DMD: variants seen among roughly 807,000 people sequenced by gnomAD.
DMD encodes dystrophin.
Under a neutral mutation model 330.1 loss-of-function variants are expected in DMD, and 63 were observed. The ratio of observed to expected loss-of-function variants is 0.19; its 90% CI spans 0.16 to 0.24. The LOEUF (loss-of-function observed/expected upper bound fraction) is 0.24, where lower values mean the gene tolerates loss of function less well. Ranked by LOEUF, DMD falls within the 10% of genes least tolerant of loss-of-function variation. The pLI is 1.00. For missense variants in DMD, 3,344 were observed against 2,684.1 expected, an observed-to-expected ratio of 1.25 and a Z score of -5.43; for synonymous variants, 1,223 against 959.8, an observed-to-expected ratio of 1.27 and a Z score of -5.07.
intron 17 of DMD, among the ~76,000 whole-genome samples, chrX:32,538,227 T>C (rs950372617): frequency 3.6e-5 from 4 of 112,312 alleles, no homozygotes; most frequent in African/African-American, 9.7e-5. Context: ...CCAGATGGCC[T>C]GAAGCAACTG....
upstream of DMD, among the ~76,000 whole-genome samples, chrX:33,214,442 A>G (rs898888632): frequency 3.6e-5 from 4 of 111,613 alleles, no homozygotes; most frequent in African/African-American, 1.3e-4. Context: ...GATTCCTCCA[A>G]TTCATTAACA....
intron 28 of DMD, among the ~76,000 whole-genome samples, chrX:32,439,478 T>C (rs1188884646): frequency 1.8e-5 from 2 of 111,957 alleles, no homozygotes; most frequent in African/African-American, 6.5e-5. Context: ...CTTAATTTTG[T>C]AAATATTTAT....
chrX:31,505,541 G>A (rs930859951), intron 56 of DMD, among the ~76,000 whole-genome samples: 4 of 111,725 alleles, frequency 3.6e-5, no homozygotes, highest in African/African-American at 1.3e-4. Flanking sequence ...TTTCTTTGTA[G>A]AAGTTTCCTT....
Position 32,263,408 on chromosome X carries a change from T to A in DMD, c.6290+24121A>T, listed in dbSNP as rs2097331542. 6.2e-5 allele frequency among the ~76,000 whole-genome samples: 7 copies of A among 112,528 alleles called. No homozygotes were observed. In the South Asian group the frequency reaches 2.6e-3, roughly 41 times the overall value. ...TACAACATATTGTTATCAATCTTAA[T>A]AAATCCATTCAGCATTTCAGAATAA... On this transcript the variant is annotated intron_variant, in intron 43 of 78. Transcript: ENST00000357033.
intron 17 of DMD, among the ~76,000 whole-genome samples, chrX:32,528,612 G>A (rs1307114568): frequency 2.7e-5 from 3 of 111,487 alleles, no homozygotes; most frequent in African/African-American, 9.8e-5. Flanking sequence ...GTGGGGGTCA[G>A]ACATGCCTCA....
Position 31,735,694 on chromosome X carries a change from T to C in DMD, c.7543-5946A>G, listed in dbSNP as rs190846099. Among the ~76,000 whole-genome samples, 297 of 111,984 alleles carry C rather than the reference T, an allele frequency of 2.7e-3. 2 individuals carry two copies. The highest frequency in any genetic ancestry group is 9.2e-3 in the African/African-American group (284 of 30,866). On this transcript the variant is annotated intron_variant, in intron 51 of 78. Transcript: ENST00000357033. ...GTTACATGGTAATGGTGGAGTTCCA[T>C]TCAACACATGCAGCTCAAGAACTGT...
intron 54 of DMD, among the ~76,000 whole-genome samples, chrX:31,631,440 G>A (rs188620560): frequency 9.0e-6 from 1 of 110,669 alleles, no homozygotes; most frequent in East Asian, 2.9e-4. Context: ...GTTGATGGGA[G>A]AGTTGTGGGG....
At chrX:32,122,616 C>A (rs950646026) in intron 44 of DMD, among the ~76,000 whole-genome samples, 6 of 111,515 alleles carry the variant, frequency 5.4e-5, no homozygotes, top group African/African-American at 2.0e-4. Flanking sequence ...CTGCCCACCC[C>A]ATCTGTGAAA....
At chrX:32,058,035 T>G (rs756745149) in intron 44 of DMD, among the ~76,000 whole-genome samples, 1 of 111,317 alleles carries the variant, frequency 9.0e-6, no homozygotes, top group South Asian at 3.7e-4. Context: ...TTGCAAAGAA[T>G]GGAATTGGAC....
intron 2 of DMD, among the ~76,000 whole-genome samples, chrX:32,964,395 A>G (rs779451770): frequency 3.0e-4 from 33 of 110,989 alleles, no homozygotes; most frequent in Non-Finnish European, 5.1e-4. Flanking sequence ...ACTATGAGGC[A>G]ACCAAATAGA....
chrX:31,933,119 T>A (rs868766347), intron 45 of DMD, among the ~76,000 whole-genome samples: 3 of 112,213 alleles, frequency 2.7e-5, no homozygotes, highest in African/African-American at 9.7e-5. Context: ...TTTAAAATGT[T>A]TAATTAAAGT....
chrX:32,748,653 C>A (rs113939587), intron 7 of DMD, among the ~76,000 whole-genome samples: 1 of 111,427 alleles, frequency 9.0e-6, no homozygotes, highest in Non-Finnish European at 1.9e-5. Flanking sequence ...TTAGGTAAGT[C>A]AGTAAGTATA....
intron 2 of DMD, among the ~76,000 whole-genome samples, chrX:32,862,886 G>T (rs965318288): frequency 1.3e-4 from 14 of 110,601 alleles, no homozygotes; most frequent in Non-Finnish European, 2.5e-4. Flanking sequence ...ACAGGCGCGA[G>T]CCACTACGCT....
chrX:31,224,344 C>G (rs749161133), intron 63 of DMD, among the ~76,000 whole-genome samples: 1 of 112,287 alleles, frequency 8.9e-6, no homozygotes, highest in African/African-American at 3.2e-5. Flanking sequence ...GGCAATAATT[C>G]AATCCATATC....
At chrX:32,586,980 T>C (rs749205392) in intron 13 of DMD, among the ~76,000 whole-genome samples, 1 of 111,837 alleles carries the variant, frequency 8.9e-6, no homozygotes, top group East Asian at 2.8e-4. Flanking sequence ...TAAATGCATT[T>C]AATTCACCAA....
intron 50 of DMD, among the ~76,000 whole-genome samples, chrX:31,792,323 T>C (rs1309793598): frequency 8.9e-6 from 1 of 112,569 alleles, no homozygotes; most frequent in Non-Finnish European, 1.9e-5. Flanking sequence ...AAAAATTATT[T>C]CTTAGTATAT....
chrX:32,548,216 T>A (rs1411484856), intron 16 of DMD, among the ~76,000 whole-genome samples: 1 of 111,422 alleles, frequency 9.0e-6, no homozygotes, highest in Non-Finnish European at 1.9e-5. Context: ...AAACTCCATA[T>A]TTAGGAACCT....
At chrX:31,405,436 A>G (rs1235992860) in intron 60 of DMD, among the ~76,000 whole-genome samples, 1 of 112,019 alleles carries the variant, frequency 8.9e-6, no homozygotes, top group Non-Finnish European at 1.9e-5. Context: ...TCCCTTTAAT[A>G]GAATGATAAT....
chrX:32,088,284 G>C (rs2096453276), intron 44 of DMD, among the ~76,000 whole-genome samples: 1 of 110,787 alleles, frequency 9.0e-6, no homozygotes, highest in Non-Finnish European at 1.9e-5. Flanking sequence ...GATAGACATG[G>C]TTTTCCCCCA....
Sources: allele counts gnomAD v4.1 joint callset (sites outside exome capture counted in the v4.1 genomes callset), GRCh38; gene constraint gnomAD v4.1.1; transcripts MANE v1.5; gene names NCBI Gene and HGNC (gene_info 2026-07-23, HGNC 2026-07-21).